The following WDFY2 variants were observed in gnomAD, a reference collection of about 807,000 sequenced individuals.
The protein encoded by WDFY2 is WD repeat and FYVE domain-containing protein 2.
A neutral mutation model predicts 56.4 loss-of-function variants in WDFY2; 36 were observed. The ratio of observed to expected loss-of-function variants is 0.64; its 90% CI spans 0.49 to 0.84. The LOEUF (loss-of-function observed/expected upper bound fraction) is 0.84, where lower values mean the gene tolerates loss of function less well. WDFY2 is among the 40% of genes least tolerant of loss of function. The probability of loss-of-function intolerance (pLI) is 0.00; values close to 1 mark genes in which losing one functional copy is unlikely to be tolerated. For synonymous variants in WDFY2, 176 were observed against 183.7 expected (o/e 0.96, Z 0.34); for missense variants, 444 against 512.2 (o/e 0.87, Z 1.29).
intron 5 of WDFY2, among the ~76,000 whole-genome samples, chr13:51,724,326 C>T (rs1323338872): frequency 6.6e-6 from 1 of 150,472 alleles, no homozygotes; most frequent in African/African-American, 2.5e-5. Context: ...CAACCTCTGC[C>T]TCCTGGATTC....
intron 1 of WDFY2, among the ~76,000 whole-genome samples, chr13:51,611,810 G>A (rs1359711812): frequency 1.3e-5 from 2 of 152,120 alleles, no homozygotes; most frequent in African/African-American, 4.8e-5. Flanking sequence ...AGATACCTCT[G>A]GGAAAGGAAA....
rs534108819 is a variant in WDFY2, at chr13:51,738,476, G to A, written c.599-573G>A. Among the ~76,000 whole-genome samples the A allele has an allele frequency of 5.3e-5, 8 of 152,290 alleles. No individual in the cohort carries two copies. The South Asian group carries it at 1.4e-3, about 28-fold the overall frequency. On this transcript the variant is annotated intron_variant, in intron 6 of 11. Coordinates refer to ENST00000298125, the MANE Select transcript of WDFY2 (RefSeq NM_052950.4). Reference sequence around the variant, plus strand: ...TTCATTCTTAGTAATAGTCATAGTGGTCATGGTGTTACCATCATCTGCATT... The same window carrying A: ...TTCATTCTTAGTAATAGTCATAGTGATCATGGTGTTACCATCATCTGCATT...
chr13:51,642,677 T>C (rs1292291814), intron 1 of WDFY2, among the ~76,000 whole-genome samples: 4 of 112,992 alleles, frequency 3.5e-5, no homozygotes, highest in African/African-American at 1.5e-4. Flanking sequence ...GGCATCTGTC[T>C]TTTTTTTTTT....
intron 1 of WDFY2, among the ~76,000 whole-genome samples, chr13:51,640,215 T>C (rs549689986): frequency 1.3e-5 from 2 of 152,366 alleles, no homozygotes; most frequent in Admixed American, 1.3e-4. Flanking sequence ...ACTGTTTTTC[T>C]ATTTATAATC....
intron 1 of WDFY2, among the ~76,000 whole-genome samples, chr13:51,599,880 AAAAC>A (rs368641222): frequency 5.9e-4 from 89 of 152,110 alleles, no homozygotes; most frequent in African/African-American, 1.6e-3. Context: ...ATTGAACTAC[AAAAC>A]AAACAAACAA....
intron 1 of WDFY2, among the ~76,000 whole-genome samples, chr13:51,632,231 T>A (rs1199270305): frequency 6.6e-6 from 1 of 152,118 alleles, no homozygotes; most frequent in Admixed American, 6.5e-5. Flanking sequence ...ATTGGACTCT[T>A]TTTCTCTCTG....
chr13:51,729,424 A>C (rs1952674551), intron 6 of WDFY2, among the ~76,000 whole-genome samples: 1 of 151,918 alleles, frequency 6.6e-6, no homozygotes, highest in African/African-American at 2.4e-5. Context: ...AAAAAAAAAA[A>C]AAACCACATA....
chr13:51,621,556 G>A (rs1473917459), intron 1 of WDFY2, among the ~76,000 whole-genome samples: 2 of 152,082 alleles, frequency 1.3e-5, no homozygotes, highest in East Asian at 1.9e-4. Flanking sequence ...GAATTAAAGG[G>A]GTATCAGTTA....
chr13:51,588,782 G>A (rs1268448922), intron 1 of WDFY2: 1 of 152,158 alleles, frequency 6.6e-6, no homozygotes, highest in Non-Finnish European at 1.5e-5. Flanking sequence ...CTCACATTTT[G>A]AGGAATCTGG....
chr13:51,629,705 T>C (rs528919150), intron 1 of WDFY2, among the ~76,000 whole-genome samples: 1 of 152,232 alleles, frequency 6.6e-6, no homozygotes, highest in Non-Finnish European at 1.5e-5. Flanking sequence ...ATAATTCTAA[T>C]TGGAAAACAA....
At chr13:51,636,059 A>G (rs1488153050) in intron 1 of WDFY2, among the ~76,000 whole-genome samples, 2 of 152,088 alleles carry the variant, frequency 1.3e-5, no homozygotes, top group Admixed American at 6.6e-5. Context: ...TTTTTTCAAC[A>G]TGCTGGGTGC....
intron 3 of WDFY2, among the ~76,000 whole-genome samples, chr13:51,692,768 G>T (rs1165141893): frequency 6.6e-6 from 1 of 152,168 alleles, no homozygotes; most frequent in Non-Finnish European, 1.5e-5. Flanking sequence ...CAGAAGGAGT[G>T]GTACCAGTTC....
At chr13:51,639,692 T>C (rs142277319) in intron 1 of WDFY2, among the ~76,000 whole-genome samples, 36 of 152,296 alleles carry the variant, frequency 2.4e-4, no homozygotes, top group African/African-American at 7.9e-4. Context: ...TAGATGGATA[T>C]TCGAAATAAT....
At chr13:51,694,264 G>A (rs1012233360) in intron 3 of WDFY2, among the ~76,000 whole-genome samples, 19 of 152,310 alleles carry the variant, frequency 1.2e-4, no homozygotes, top group African/African-American at 4.6e-4. Flanking sequence ...ACTTGATGCA[G>A]TTTCTTCCTA....
chr13:51,754,514 T>G (rs998459782), intron 8 of WDFY2, among the ~76,000 whole-genome samples: 1 of 152,248 alleles, frequency 6.6e-6, no homozygotes, highest in Admixed American at 6.5e-5. Context: ...TCCCTCCCTT[T>G]CTGGTTTTGC....
chr13:51,675,027 T>C (rs1955862932), intron 2 of WDFY2, 143 bp from the exon 3 acceptor site: 1 of 669,572 alleles, frequency 1.5e-6, no homozygotes, highest in Non-Finnish European at 2.6e-6. Flanking sequence ...CTGTTTTTAT[T>C]TTTTGGTGAG....
chr13:51,722,668 GACTTGCTCAAGGTCACGTA>G (rs1484644155), intron 5 of WDFY2, among the ~76,000 whole-genome samples: 1 of 152,168 alleles, frequency 6.6e-6, no homozygotes, highest in Non-Finnish European at 1.5e-5. Context: ...GGGAGTAGGT[GACTTGCTCAAGGTCACGTA>G]ACTGTTAGCC....
intron 2 of WDFY2, among the ~76,000 whole-genome samples, chr13:51,665,678 C>T (rs1170896289): frequency 6.6e-6 from 1 of 152,122 alleles, no homozygotes. Context: ...GCCAACTTCT[C>T]CCTGGGTATG....
intron 4 of WDFY2, among the ~76,000 whole-genome samples, chr13:51,708,436 A>G (rs1033184140): frequency 1.3e-5 from 2 of 152,042 alleles, no homozygotes; most frequent in Admixed American, 1.3e-4. Context: ...CTGTGCCTGC[A>G]CCATTGTACT....
Sources: gnomAD v4.1 joint callset for allele counts (sites outside exome capture counted in the v4.1 genomes callset) on GRCh38, gnomAD v4.1.1 for gene constraint, MANE v1.5 for transcripts, NCBI Gene and HGNC (gene_info 2026-07-23, HGNC 2026-07-21) for gene names.